Variants in PER1 observed in about 807,000 individuals in gnomAD.
PER1 encodes the protein period circadian regulator 1.
In PER1, 87 loss-of-function variants were observed where a neutral mutation model predicts 125.9. The observed-to-expected ratio is 0.69, with a 90% confidence interval of 0.58 to 0.83. The LOEUF (loss-of-function observed/expected upper bound fraction) is 0.83. PER1 is among the 40% of genes least tolerant of loss of function. PER1 has a pLI of 0.00. For synonymous variants in PER1, 801 were observed against 714.7 expected (o/e 1.12, Z -1.93); for missense variants, 1,775 against 1,722.8 (o/e 1.03, Z -0.54).
rs557162022 is a variant in PER1, at chr17:8,149,736, A to T, written c.651+19T>A. 6.2e-7 allele frequency: 1 copy of T among 1,612,738 alleles called. No individual in the cohort carries two copies. The highest frequency in any genetic ancestry group is 1.3e-5 in the African/African-American group (1 of 75,058). Reference sequence around the variant, plus strand: ...GGAGTAGGGGTGCGTCGGGATGCAGAGGCCAGGCCGCCGCTGACCTGGTTC... The same window carrying T: ...GGAGTAGGGGTGCGTCGGGATGCAGTGGCCAGGCCGCCGCTGACCTGGTTC... On this transcript the variant is annotated intron_variant, in intron 5 of 22. Transcript: ENST00000317276.
In PER1 at chr17:8,143,258, G is replaced by C. The variant is rs778950952; in HGVS notation, c.3072+8C>G. 6.6e-7 allele frequency: 1 copy of C among 1,517,144 alleles called. No homozygotes were observed. The highest frequency in any genetic ancestry group is 2.0e-5 in the Admixed American group (1 of 49,592). The allele number at this position is 1,517,144 out of a possible 1,614,324, so 94.0% of individuals were successfully genotyped here. On this transcript the variant is annotated splice_region_variant and intron_variant, in intron 19 of 22. Transcript: ENST00000317276. ...GGCTGGCAGGCAGACGCAGGGGTCA[G>C]TGCTCACCAGTCTGGCCTCTGGCTC...
chr17:8,149,194 G>C, intron 7 of PER1, 65 bp downstream of exon 7: 1 of 1,414,956 alleles, frequency 7.1e-7, no homozygotes, highest in South Asian at 1.2e-5. Flanking sequence ...CTTTCAAAAA[G>C]CAAAAACAAA....
In PER1 at chr17:8,145,723, T is replaced by C. The variant is rs75720877; in HGVS notation, c.2218+235A>G. On this transcript the variant is annotated intron_variant, in intron 17 of 22. Transcript: ENST00000317276. ...GGTCAGCACCTCAGGGCAAACCCTC[T>C]ATCCCAGACTCTGTGTTTCAACTGA... is the stretch of plus-strand genomic sequence containing the variant. Among the ~76,000 whole-genome samples the C allele has an allele frequency of 2.4e-3, 370 of 152,296 alleles. 3 individuals are homozygous for C. The highest frequency in any genetic ancestry group is 8.4e-3 in the African/African-American group (350 of 41,566).
At chr17:8,150,363 G>A (rs1209086121) in intron 2 of PER1, 46 bp from the exon 3 acceptor site, 113 of 1,555,118 alleles carry the variant, frequency 7.3e-5, no homozygotes, top group Non-Finnish European at 8.8e-5. Context: ...CCAGCAGTGC[G>A]AGGCCTGTCA....
At chr17:8,141,376 G>T in intron 22 of PER1, 36 bp from the exon 23 acceptor site, 2 of 1,563,746 alleles carry the variant, frequency 1.3e-6, no homozygotes, top group South Asian at 1.2e-5. Flanking sequence ...GAGTCAGACA[G>T]GGTTCTCACT....
chr17:8,142,850 G>C lies in PER1; in HGVS notation c.3073-15C>G, dbSNP rs774419227. 1.6e-5 allele frequency: 25 copies of C among 1,576,154 alleles called. No individual in the cohort carries two copies. The highest frequency in any genetic ancestry group is 6.8e-5 in the South Asian group (6 of 88,470). ...GTGACCTCCGCCTGGAGGAGGGGAGGGGGGCAAGGAGGGATGGAGGGGTCA... is the reference window on the plus strand; with the variant it reads ...GTGACCTCCGCCTGGAGGAGGGGAGCGGGGCAAGGAGGGATGGAGGGGTCA... On this transcript the variant is annotated splice_polypyrimidine_tract_variant and intron_variant, in intron 19 of 22. Transcript: ENST00000317276.
intron 12 of PER1, 38 bp from the exon 13 acceptor site, chr17:8,147,419 G>C (rs885747): frequency 0.42 from 673,509 of 1,611,724 alleles, 146,524 homozygotes; most frequent in African/African-American, 0.56. Flanking sequence ...GGCTTGACCC[G>C]GCTTCCCACA....
chr17:8,150,673 CT>C lies in PER1; in HGVS notation c.33del (p.Asp13ThrfsTer98). 6.3e-7 allele frequency: 1 copy of C among 1,589,494 alleles called. No individual in the cohort carries two copies. On this transcript the variant is annotated frameshift_variant, in exon 2 of 23. Transcript: ENST00000317276. LOFTEE classifies it high-confidence loss of function. ...AATGATTCCCCAGGCCTGGGGTCCC[CT>C]CCCCCATCAGCCCCTTCTAGGGGGC... MSGPLEGADG[G>X]GDPRPGESFC...
At chr17:8,148,403 A>G in intron 8 of PER1, 144 bp from the exon 9 acceptor site, 2 of 817,924 alleles carry the variant, frequency 2.4e-6, no homozygotes, top group South Asian at 3.3e-5. Flanking sequence ...GTCTGGGCCA[A>G]TCCTATGCCC....
intron 22 of PER1, 58 bp from the exon 23 acceptor site, chr17:8,141,398 A>C: frequency 6.6e-7 from 1 of 1,526,588 alleles, no homozygotes; most frequent in East Asian, 2.3e-5. Flanking sequence ...CTAACCTGCC[A>C]GCGCAGCTTC....
chr17:8,146,289 G>A, intron 16 of PER1, 83 bp downstream of exon 16: 1 of 1,538,340 alleles, frequency 6.5e-7, no homozygotes, highest in Non-Finnish European at 8.8e-7. Flanking sequence ...GGCAGAGCAA[G>A]AGGGCCCAGA....
chr17:8,144,599 T>C (rs1466406131), intron 18 of PER1, 152 bp downstream of exon 18: 1 of 1,028,086 alleles, frequency 9.7e-7, no homozygotes, highest in African/African-American at 1.6e-5. Flanking sequence ...GGGGAGAAGC[T>C]AGCGAGGGGC....
chr17:8,146,406 C>T lies in PER1; in HGVS notation c.2004G>A (p.Gln668=). 1 of 1,612,812 alleles carries T rather than the reference C, an allele frequency of 6.2e-7. No homozygotes were observed. ...TCCCCACAGAGACTGGACCTGTCCT[C>T]TGCCTGTCGTCGTCAGAGGCTGAGG... ...TTSSASDDDR[Q]RTGPVSVGTK... is the part of the protein sequence containing the mutation. Residue 668 remains glutamine (Q), a synonymous_variant, in exon 16 of 23, where the codon CAG becomes CAA. Transcript: ENST00000317276.
At position 8,143,883 on chromosome 17, in the gene PER1, G is replaced by A; in HGVS notation, c.2462-7C>T. 6.2e-7 allele frequency: 1 copy of A among 1,603,206 alleles called. No homozygotes were observed. The highest frequency in any genetic ancestry group is 8.5e-7 in the Non-Finnish European group (1 of 1,177,074). The stretch of plus-strand genomic sequence containing the variant: ...GCGGGGCCGTGGTGGCAGCCTGTGG[G>A]GAGAGACTAGGGTTAGCAAGGACCT... On this transcript the variant is annotated splice_polypyrimidine_tract_variant and splice_region_variant and intron_variant, in intron 18 of 22. Transcript: ENST00000317276.
Position 8,149,571 on chromosome 17 carries a change from C to G in PER1, c.744G>C (p.Val248=). The change falls in exon 6 of 23, where the codon GTG becomes GTC. Residue 248 remains valine (V), a synonymous_variant. Coordinates refer to ENST00000317276, the MANE Select transcript of PER1 (RefSeq NM_002616.3). ...AAVLLRCKRD[V]FRGTRFSELL... ...GCTCAGAGAAGCGGGTACCCCGGAA[C>G]ACGTCCCGCTTGCAACGCAGCAGGA... 2 of 1,613,910 alleles carry G rather than the reference C, an allele frequency of 1.2e-6. No individual in the cohort carries two copies. Among genetic ancestry groups the G allele is most frequent in the South Asian group, 2.2e-5 (2 of 91,084 alleles).
In PER1 at chr17:8,142,343, C is replaced by T; in HGVS notation, c.3375G>A (p.Val1125=). Residue 1125 remains valine, a synonymous_variant, in exon 21 of 23, where the codon GTG becomes GTA. Transcript: ENST00000317276. ...TGAGCAGCCAAATGGGATCCTGGAG[C>T]ACGTACTTAATCACCTGGTCCCCAG... The part of the protein sequence containing the change: ...AEPGDQVIKY[V]LQDPIWLLMA... The T allele has an allele frequency of 5.0e-6, 8 of 1,613,850 alleles. No homozygotes were observed. The highest frequency in any genetic ancestry group is 6.8e-6 in the Non-Finnish European group (8 of 1,179,930).
Position 8,141,337 on chromosome 17 carries a change from A to T in PER1, c.3604T>A (p.Cys1202Ser), listed in dbSNP as rs1490635914. ...QLPRALDVMA[C>S]VDCGSSTQDP... ...TGGGTGCTGCTCCCACAGTCCACAC[A>T]GGCCTTGGTGAGAGAAATGGACATG... is the stretch of plus-strand genomic sequence containing the variant. Residue 1202 changes from cysteine (C) to serine (S), a missense_variant, in exon 23 of 23, where the codon TGT becomes AGT. Physicochemically the swap from Cys to Ser is moderately radical, Grantham distance 112 (BLOSUM62 -1). Coordinates refer to ENST00000317276, the MANE Select transcript of PER1 (RefSeq NM_002616.3). 6.2e-7 allele frequency: 1 copy of T among 1,604,632 alleles called. No individual in the cohort carries two copies.
intron 8 of PER1, 93 bp downstream of exon 8, chr17:8,148,551 A>G: frequency 7.1e-7 from 1 of 1,409,784 alleles, no homozygotes; most frequent in Non-Finnish European, 9.6e-7. Flanking sequence ...CAAAATTCAA[A>G]GGGTGTGGTT....
At chr17:8,147,651 G>C (rs1299274333) in intron 11 of PER1, 23 bp downstream of exon 11, 2 of 1,613,814 alleles carry the variant, frequency 1.2e-6, no homozygotes, top group Non-Finnish European at 1.7e-6. Flanking sequence ...CCCAACGCCA[G>C]CTCGGGGGCA....
Sources: gnomAD v4.1 joint callset for allele counts (sites outside exome capture counted in the v4.1 genomes callset) on GRCh38, gnomAD v4.1.1 for gene constraint, MANE v1.5 for transcripts, NCBI Gene and HGNC (gene_info 2026-07-23, HGNC 2026-07-21) for gene names.